Variants in UBE2E2 observed in about 807,000 individuals in gnomAD.
The protein encoded by UBE2E2 is ubiquitin-conjugating enzyme E2 E2.
In UBE2E2, 6 loss-of-function variants were observed where a neutral mutation model predicts 24.7. That is an observed-to-expected ratio of 0.24 (90% confidence interval 0.13 to 0.48). The LOEUF is 0.48. UBE2E2 is among the 20% of genes least tolerant of loss of function. The pLI, the probability that UBE2E2 is intolerant of heterozygous loss-of-function variation, is 0.99. For missense variants in UBE2E2, 169 were observed against 245.0 expected, an observed-to-expected ratio of 0.69 and a Z score of 2.07; for synonymous variants, 104 against 83.6, an observed-to-expected ratio of 1.24 and a Z score of -1.33.
chr3:23,524,865 G>GACACACAGACACAC (rs780602583), intron 4 of UBE2E2, among the ~76,000 whole-genome samples: 42 of 147,534 alleles, frequency 2.8e-4, no homozygotes, highest in African/African-American at 9.2e-4. Context: ...CAGACACACA[G>GACACACAGACACAC]ACACACACAC....
intron 3 of UBE2E2, among the ~76,000 whole-genome samples, chr3:23,481,701 C>A (rs1288118521): frequency 6.6e-6 from 1 of 152,226 alleles, no homozygotes; most frequent in African/African-American, 2.4e-5. Context: ...TGGCAGCCAA[C>A]AACCCAACAT....
At chr3:23,543,972 C>A (rs1018163059) in intron 5 of UBE2E2, among the ~76,000 whole-genome samples, 1 of 152,142 alleles carries the variant, frequency 6.6e-6, no homozygotes, top group Non-Finnish European at 1.5e-5. Context: ...AAAGGACACC[C>A]TATTCAACAA....
At chr3:23,266,331 G>C (rs1452518245) in intron 3 of UBE2E2, among the ~76,000 whole-genome samples, 1 of 152,098 alleles carries the variant, frequency 6.6e-6, no homozygotes, top group Non-Finnish European at 1.5e-5. Flanking sequence ...AGCTCTTTTA[G>C]GGCAGGCCTG....
chr3:23,587,054 AATT>A (rs1386388541), intron 5 of UBE2E2, among the ~76,000 whole-genome samples: 1 of 152,124 alleles, frequency 6.6e-6, no homozygotes, highest in Admixed American at 6.5e-5. Flanking sequence ...TGGTTTTCTA[AATT>A]ATTATTAATT....
intron 3 of UBE2E2, among the ~76,000 whole-genome samples, chr3:23,240,024 C>G (rs1697216438): frequency 6.6e-6 from 1 of 152,060 alleles, no homozygotes; most frequent in Non-Finnish European, 1.5e-5. Flanking sequence ...TGGGGTATAA[C>G]TTTTTTATGG....
rs529014398 is a variant in UBE2E2 at position 23,555,453 on chromosome 3, A to T, written c.508+22752A>T. On this transcript the variant is annotated intron_variant, in intron 5 of 5. Transcript: ENST00000396703. ...ACATAGATTGGTACAGCCCTGAGGG[A>T]AAACAGTATGGAGGTTCCTAAAGAA... 2.0e-5 allele frequency among the ~76,000 whole-genome samples: 3 copies of T among 152,286 alleles called. No homozygotes were observed. The East Asian group carries it at 5.8e-4, about 29-fold the overall frequency.
intron 3 of UBE2E2, among the ~76,000 whole-genome samples, chr3:23,450,376 T>G (rs1200433071): frequency 6.6e-6 from 1 of 152,154 alleles, no homozygotes; most frequent in African/African-American, 2.4e-5. Flanking sequence ...AGAATTTAAT[T>G]TTAATTAATT....
chr3:23,438,240 T>G (rs1290938229), intron 3 of UBE2E2, among the ~76,000 whole-genome samples: 1 of 152,094 alleles, frequency 6.6e-6, no homozygotes, highest in African/African-American at 2.4e-5. Context: ...TTGAGAAGGT[T>G]CAGGAATTCA....
intron 1 of UBE2E2, among the ~76,000 whole-genome samples, chr3:23,205,679 G>T (rs1222800479): frequency 6.6e-6 from 1 of 152,094 alleles, no homozygotes; most frequent in Non-Finnish European, 1.5e-5. Context: ...GTTAACATTT[G>T]GATGAAATAT....
At chr3:23,218,673 C>T (rs1696546179) in intron 3 of UBE2E2, among the ~76,000 whole-genome samples, 1 of 151,908 alleles carries the variant, frequency 6.6e-6, no homozygotes. Context: ...TTGACAACCC[C>T]AATCACCGGC....
chr3:23,556,986 C>G (rs1424930950), intron 5 of UBE2E2, among the ~76,000 whole-genome samples: 3 of 152,086 alleles, frequency 2.0e-5, no homozygotes, highest in Non-Finnish European at 1.5e-5. Context: ...ATTGCCAAGT[C>G]CCTTCGGCAC....
intron 5 of UBE2E2, among the ~76,000 whole-genome samples, chr3:23,586,155 T>C (rs1696620989): frequency 6.6e-6 from 1 of 152,222 alleles, no homozygotes; most frequent in Admixed American, 6.5e-5. Flanking sequence ...TTTTCTCCTT[T>C]CATGAAATAT....
intron 3 of UBE2E2, among the ~76,000 whole-genome samples, chr3:23,336,207 AAAT>A (rs1173861940): frequency 1.3e-5 from 2 of 152,212 alleles, no homozygotes; most frequent in African/African-American, 4.8e-5. Flanking sequence ...AGATGCAAGG[AAAT>A]AATAATTGTA....
chr3:23,441,719 C>A (rs750825995), intron 3 of UBE2E2, among the ~76,000 whole-genome samples: 1 of 151,974 alleles, frequency 6.6e-6, no homozygotes, highest in Middle Eastern at 3.2e-3. Context: ...TAAGTTATAG[C>A]GTATTCAGTA....
At chr3:23,546,433 G>A (rs1043801216) in intron 5 of UBE2E2, among the ~76,000 whole-genome samples, 1 of 148,060 alleles carries the variant, frequency 6.8e-6, no homozygotes, top group Non-Finnish European at 1.5e-5. Context: ...CCTTACTTGA[G>A]GAATTTCTGA....
chr3:23,347,604 A>T (rs1237329771), intron 3 of UBE2E2, among the ~76,000 whole-genome samples: 2 of 152,172 alleles, frequency 1.3e-5, no homozygotes, highest in Non-Finnish European at 2.9e-5. Context: ...CCTCATGTAA[A>T]TGATGAGTTG....
chr3:23,307,314 G>A (rs1452445546), intron 3 of UBE2E2, among the ~76,000 whole-genome samples: 1 of 152,036 alleles, frequency 6.6e-6, no homozygotes, highest in Non-Finnish European at 1.5e-5. Context: ...ACGCTTTCAG[G>A]TCTAGTAATC....
intron 3 of UBE2E2, among the ~76,000 whole-genome samples, chr3:23,487,887 G>A (rs972649047): frequency 6.6e-6 from 1 of 151,940 alleles, no homozygotes; most frequent in African/African-American, 2.4e-5. Flanking sequence ...TGGTTGAATT[G>A]TCTTCCACTT....
chr3:23,227,306 T>A (rs920772348), intron 3 of UBE2E2, among the ~76,000 whole-genome samples: 1 of 152,194 alleles, frequency 6.6e-6, no homozygotes, highest in African/African-American at 2.4e-5. Context: ...TTTTCCCTCT[T>A]TTATATCCAT....
Sources: allele counts gnomAD v4.1 joint callset (sites outside exome capture counted in the v4.1 genomes callset), GRCh38; gene constraint gnomAD v4.1.1; transcripts MANE v1.5; gene names NCBI Gene and HGNC (gene_info 2026-07-23, HGNC 2026-07-21).